Variants in NDUFAF7 observed in about 807,000 individuals in gnomAD.
NDUFAF7 encodes the protein protein arginine methyltransferase NDUFAF7, mitochondrial.
NDUFAF7 carries 48 observed loss-of-function variants against 47.2 expected under a neutral mutation model. The observed-to-expected ratio is 1.02, with a 90% confidence interval of 0.81 to 1.29. The LOEUF (loss-of-function observed/expected upper bound fraction) is 1.29, where lower values mean the gene tolerates loss of function less well. Ranked by LOEUF, NDUFAF7 falls within the 50% of genes most tolerant of loss-of-function variation. The pLI, the probability that NDUFAF7 is intolerant of heterozygous loss-of-function variation, is 0.00. For missense variants in NDUFAF7, 635 were observed against 537.6 expected (o/e 1.18, Z -1.79); for synonymous variants, 217 against 190.0 (o/e 1.14, Z -1.17).
the NDUFAF7 span, among the ~76,000 whole-genome samples, chr2:37,271,281 C>T: frequency 6.6e-6 from 1 of 152,050 alleles, no homozygotes; most frequent in Non-Finnish European, 1.5e-5. Context: ...CAAAATCCAG[C>T]CTGTTGCCTC....
At chr2:37,249,759 GT>G (rs896065287), downstream of NDUFAF7, among the ~76,000 whole-genome samples, 62 of 152,130 alleles carry the variant, frequency 4.1e-4, no homozygotes, top group African/African-American at 1.4e-3. Flanking sequence ...TAGAAGCTGT[GT>G]GTTAATACTG....
intron 4 of NDUFAF7, 120 bp downstream of exon 4, chr2:37,237,987 TATA>T (rs1214337857): frequency 3.9e-6 from 3 of 767,996 alleles, no homozygotes; most frequent in Non-Finnish European, 6.8e-6. Context: ...TCAGCTAAAA[TATA>T]ATGTCAGAAT....
chr2:37,259,021 A>C, the NDUFAF7 span, among the ~76,000 whole-genome samples: 1 of 150,566 alleles, frequency 6.6e-6, no homozygotes, highest in South Asian at 2.1e-4. Flanking sequence ...TAGGTCATGC[A>C]ATAAATTTAG....
In NDUFAF7 at chr2:37,248,914, CA is replaced by C. The variant is rs60098762; in HGVS notation, c.*574del. 1.8e-4 allele frequency: 27 copies of C among 151,216 alleles called. No homozygotes were observed. The highest frequency in any genetic ancestry group is 1.0e-3 in the South Asian group (5 of 5,008). 9.4% of individuals were successfully genotyped at this position (151,216 alleles called of 1,614,324 possible). On this transcript the variant is annotated 3_prime_UTR_variant, in exon 10 of 10. Transcript: ENST00000002125. Reference sequence around the variant, plus strand: ...GGGCAACAAGAGCAAAAATCCCTCTCAAAAAAAAAAGTAAACATGGGCACTG... The same window carrying C: ...GGGCAACAAGAGCAAAAATCCCTCTCAAAAAAAAAGTAAACATGGGCACTG...
chr2:37,270,353 A>G, the NDUFAF7 span, among the ~76,000 whole-genome samples: 695 of 150,408 alleles, frequency 4.6e-3, 2 homozygotes, highest in African/African-American at 9.5e-3. Context: ...GATTTTTGGA[A>G]AAAAAAAAAA....
downstream of NDUFAF7, chr2:37,253,340 G>A (rs773686678): frequency 1.2e-6 from 2 of 1,610,580 alleles, no homozygotes; most frequent in Admixed American, 3.3e-5. Flanking sequence ...GTCAAGCCAA[G>A]TCTGATAGTC....
At chr2:37,255,032 C>T (rs945752199), downstream of NDUFAF7, among the ~76,000 whole-genome samples, 3 of 152,306 alleles carry the variant, frequency 2.0e-5, no homozygotes, top group East Asian at 1.9e-4. Context: ...GACCCAGACA[C>T]GAACCAAATG....
chr2:37,259,660 G>C, the NDUFAF7 span: 1 of 1,612,300 alleles, frequency 6.2e-7, no homozygotes, highest in Non-Finnish European at 8.5e-7. Context: ...TTAAAATGCA[G>C]ATTCCTCAAA....
downstream of NDUFAF7, chr2:37,253,040 T>C (rs1330961998): frequency 9.4e-6 from 8 of 854,376 alleles, no homozygotes; most frequent in African/African-American, 6.8e-5. Context: ...TGAACTACAG[T>C]ACTGGTGTCA....
intron 7 of NDUFAF7, among the ~76,000 whole-genome samples, chr2:37,245,681 G>A (rs1421276629): frequency 8.5e-5 from 1 of 11,808 alleles, no homozygotes; most frequent in Non-Finnish European, 1.3e-4. Flanking sequence ...ACTGTTCTAG[G>A]CAGACAAAAA....
chr2:37,253,031 G>T, downstream of NDUFAF7: 1 of 715,470 alleles, frequency 1.4e-6, no homozygotes, highest in Non-Finnish European at 2.1e-6. Context: ...TACTCATTAT[G>T]AACTACAGTA....
chr2:37,246,961 ACT>A (rs1666988765), intron 8 of NDUFAF7, among the ~76,000 whole-genome samples: 2 of 151,866 alleles, frequency 1.3e-5, no homozygotes, highest in South Asian at 4.2e-4. Flanking sequence ...TATTGCATTG[ACT>A]CTGAGGTTTG....
chr2:37,256,131 T>C (rs1415529558), downstream of NDUFAF7, among the ~76,000 whole-genome samples: 1 of 152,118 alleles, frequency 6.6e-6, no homozygotes, highest in Non-Finnish European at 1.5e-5. Context: ...GTCCTCGAAT[T>C]TTAATAGGAA....
In NDUFAF7 at chr2:37,231,704, G is replaced by C. The variant is rs761416363; in HGVS notation, c.-2G>C. ...GGAGCGAGCTAGCCTGCGAATTTCA[G>C]CATGAGTGTACTGCTGAGGTCAGGT... On this transcript the variant is annotated 5_prime_UTR_variant, in exon 1 of 10. Coordinates refer to ENST00000002125, the MANE Select transcript of NDUFAF7 (RefSeq NM_144736.5). 3 of 1,614,254 alleles carry C rather than the reference G, an allele frequency of 1.9e-6. No homozygotes were observed. The highest frequency in any genetic ancestry group is 2.5e-6 in the Non-Finnish European group (3 of 1,180,044).
downstream of NDUFAF7, chr2:37,256,653 TTTTTTTACCTTC>T: frequency 2.1e-6 from 3 of 1,404,674 alleles, no homozygotes; most frequent in South Asian, 3.3e-5. Context: ...TTTTTTTTTT[TTTTTTTACCTTC>T]ACCAGAAATT....
the NDUFAF7 span, among the ~76,000 whole-genome samples, chr2:37,270,740 A>G: frequency 1.3e-5 from 2 of 152,362 alleles, no homozygotes; most frequent in South Asian, 2.1e-4. Context: ...AACCATTTTT[A>G]TAAGCCTCCC....
At chr2:37,260,391 A>T in the NDUFAF7 span, 1 of 1,606,304 alleles carries the variant, frequency 6.2e-7, no homozygotes, top group African/African-American at 1.3e-5. Context: ...AATTCTGAAG[A>T]GAGGTTGCAA....
chr2:37,270,929 T>C, the NDUFAF7 span, among the ~76,000 whole-genome samples: 1 of 152,186 alleles, frequency 6.6e-6, no homozygotes, highest in Non-Finnish European at 1.5e-5. Context: ...TATCCTCAGT[T>C]CCCATGGGAT....
intron 9 of NDUFAF7, among the ~76,000 whole-genome samples, chr2:37,247,932 A>G (rs1572573111): frequency 6.6e-6 from 1 of 152,168 alleles, no homozygotes. Flanking sequence ...CCCCCTGAGG[A>G]TATTTGTTAA....
Sources: allele counts gnomAD v4.1 joint callset (sites outside exome capture counted in the v4.1 genomes callset), GRCh38; gene constraint gnomAD v4.1.1; transcripts MANE v1.5; gene names NCBI Gene and HGNC (gene_info 2026-07-23, HGNC 2026-07-21).